RAB40B: variants seen among roughly 807,000 people sequenced by gnomAD.
RAB40B encodes the protein RAB40B, member RAS oncogene family.
Under a neutral mutation model 24.0 loss-of-function variants are expected in RAB40B, and 21 were observed. The observed-to-expected ratio is 0.88, with a 90% CI of 0.62 to 1.26. The LOEUF is 1.26. Ranked by LOEUF, RAB40B falls within the 50% of genes most tolerant of loss-of-function variation. The pLI is 0.00. For synonymous variants in RAB40B, 167 were observed against 169.8 expected (o/e 0.98, Z 0.13); for missense variants, 348 against 390.5 (o/e 0.89, Z 0.92).
Position 82,656,289 on chromosome 17 carries a change from C to T in RAB40B, c.*1574G>A, listed in dbSNP as rs2046085668. On this transcript the variant is annotated 3_prime_UTR_variant, in exon 6 of 6. Coordinates refer to ENST00000571995, the MANE Select transcript of RAB40B (RefSeq NM_006822.3). ...AGAATCTACAGATCATCAGCAGGAA[C>T]TAGGAACATCTGGGTATTTTCTCGC... The T allele has an allele frequency of 6.6e-6, 1 of 152,134 alleles. No homozygotes were observed. Among genetic ancestry groups the T allele is most frequent in the Non-Finnish European group, 1.5e-5 (1 of 68,046 alleles). 9.4% of individuals were successfully genotyped at this position (152,134 alleles called of 1,614,324 possible).
chr17:82,697,996 G>A lies in RAB40B; in HGVS notation c.142+459C>T, dbSNP rs1356699023. ...CGCCTGCTCGCCGCGCTCCGCCCCA[G>A]GAGCCCCGGAGCTCGCGTCCCCTCC... is the stretch of plus-strand genomic sequence containing the variant. On this transcript the variant is annotated intron_variant, in intron 1 of 5. Transcript: ENST00000571995. This position sits in a 1 kb window ranked among gnomAD's most constrained non-coding sequence, Gnocchi z 4.9. 6.6e-6 allele frequency among the ~76,000 whole-genome samples: 1 copy of A among 151,950 alleles called. No homozygotes were observed. Among genetic ancestry groups the A allele is most frequent in the Non-Finnish European group, 1.5e-5 (1 of 67,954 alleles).
At chr17:82,660,474 C>T (rs1038023026) in intron 3 of RAB40B, among the ~76,000 whole-genome samples, 3 of 148,768 alleles carry the variant, frequency 2.0e-5, no homozygotes, top group Non-Finnish European at 4.4e-5. Context: ...AGTGCAAGTA[C>T]CTGCACACGT....
rs1228770563 is a variant in RAB40B at position 82,692,003 on chromosome 17, T to A, written c.142+6452A>T. Among the ~76,000 whole-genome samples, 1 of 151,644 alleles carries A rather than the reference T, an allele frequency of 6.6e-6. No individual in the cohort carries two copies. The highest frequency in any genetic ancestry group is 1.5e-5 in the Non-Finnish European group (1 of 67,918). ...CTTCCCTGGGTAACCAGCAGAGCAG[T>A]GGGGCCCGCACGGTCCGTGGGCTGA... On this transcript the variant is annotated intron_variant, in intron 1 of 5. Transcript: ENST00000571995. This position sits in a 1 kb window ranked among gnomAD's most constrained non-coding sequence, Gnocchi z 4.0.
chr17:82,669,561 A>C (rs1360434438), intron 1 of RAB40B, among the ~76,000 whole-genome samples: 2 of 152,112 alleles, frequency 1.3e-5, no homozygotes, highest in African/African-American at 2.4e-5. Flanking sequence ...GCTGAGGTGG[A>C]AGGATCTCTT....
chr17:82,688,315 C>G (rs1011267040), intron 1 of RAB40B, among the ~76,000 whole-genome samples: 4 of 151,098 alleles, frequency 2.6e-5, no homozygotes, highest in African/African-American at 9.7e-5. Context: ...CTCATGACCA[C>G]TTTTAAAAAT....
At position 82,664,480 on chromosome 17, in the gene RAB40B, C is replaced by T. The variant is rs145596290; in HGVS notation, c.203+16G>A. 627 of 1,611,936 alleles carry T rather than the reference C, an allele frequency of 3.9e-4. 1 individual carries two copies. In the East Asian group the frequency reaches 5.1e-3, roughly 13 times the overall value. ...TCCCTGGGGGTGCGGGACGCTCGCA[C>T]CTCCTCCAGACTCACCAGAGCTGCA... On this transcript the variant is annotated intron_variant, in intron 2 of 5. Coordinates refer to ENST00000571995, the MANE Select transcript of RAB40B (RefSeq NM_006822.3).
At chr17:82,684,325 A>G (rs1337978155) in intron 1 of RAB40B, among the ~76,000 whole-genome samples, 1 of 152,164 alleles carries the variant, frequency 6.6e-6, no homozygotes, top group East Asian at 1.9e-4. Flanking sequence ...AAACACTCAC[A>G]CACTGCTGAC....
Position 82,697,626 on chromosome 17 carries a change from C to T in RAB40B, c.142+829G>A, listed in dbSNP as rs1598323158. ...GGGATGCGCGTGGGTGAAGGCCCCG[C>T]CTGCTCCTCACTCCCAGCCGAGGTG... On this transcript the variant is annotated intron_variant, in intron 1 of 5. Transcript: ENST00000571995. The surrounding 1 kb of genome is among the most constrained non-coding windows in gnomAD (Gnocchi z 4.9). Among the ~76,000 whole-genome samples the T allele has an allele frequency of 6.6e-6, 1 of 152,252 alleles. No individual in the cohort carries two copies.
chr17:82,664,871 G>A, intron 1 of RAB40B: 1 of 268,564 alleles, frequency 3.7e-6, no homozygotes, highest in Non-Finnish European at 7.2e-6. Context: ...TTGCCGCGGG[G>A]CTGTGGCCGC....
At chr17:82,686,802 C>T (rs2046506569) in intron 1 of RAB40B, among the ~76,000 whole-genome samples, 1 of 152,222 alleles carries the variant, frequency 6.6e-6, no homozygotes, top group Non-Finnish European at 1.5e-5. Context: ...ATCCAAAAGC[C>T]ACTTCACTCA....
Position 82,698,477 on chromosome 17 carries a change from C to T in RAB40B, c.120G>A (p.Glu40=). The T allele has an allele frequency of 6.7e-7, 1 of 1,486,312 alleles. No individual in the cohort carries two copies. The allele number at this position is 1,486,312 out of a possible 1,614,324, so 92.1% of individuals were successfully genotyped here. Residue 40 remains glutamate (E), a synonymous_variant, in exon 1 of 6, where the codon GAG becomes GAA. Coordinates refer to ENST00000571995, the MANE Select transcript of RAB40B (RefSeq NM_006822.3). ...CACCCGCCGGGTGGCCGTACGGGGA[C>T]TCGGCCGCGCCATCCTGCAGGCTCG... is the stretch of plus-strand genomic sequence containing the variant. The part of the protein sequence containing the change: ...ILASLQDGAA[E]SPYGHPAGID...
Position 82,670,294 on chromosome 17 carries a change from C to T in RAB40B, c.143-5738G>A, listed in dbSNP as rs138229768. On this transcript the variant is annotated intron_variant, in intron 1 of 5. Coordinates refer to ENST00000571995, the MANE Select transcript of RAB40B (RefSeq NM_006822.3). ...CCGCCCACCGGGTTCAAGCAATTCT[C>T]GTGCCTCAGCGTCCCGTGTAGCTGG... 4.9e-4 allele frequency among the ~76,000 whole-genome samples: 73 copies of T among 149,356 alleles called. 1 individual carries two copies. The East Asian group carries it at 0.013, about 26-fold the overall frequency.
In RAB40B at chr17:82,657,780, A is replaced by C; in HGVS notation, c.*83T>G. On this transcript the variant is annotated 3_prime_UTR_variant, in exon 6 of 6. Coordinates refer to ENST00000571995, the MANE Select transcript of RAB40B (RefSeq NM_006822.3). ...GCAGCATTCGCCGAGAGGAACCGGG[A>C]TCTGAGATGCATCCACCAGCTGCCG... 1.4e-6 allele frequency: 2 copies of C among 1,468,284 alleles called. No individual in the cohort carries two copies. Among genetic ancestry groups the C allele is most frequent in the Non-Finnish European group, 1.9e-6 (2 of 1,048,458 alleles). The allele number at this position is 1,468,284 out of a possible 1,614,324, so 91.0% of individuals were successfully genotyped here.
intron 4 of RAB40B, chr17:82,658,993 G>A (rs879594981): frequency 6.2e-5 from 25 of 405,692 alleles, no homozygotes; most frequent in Non-Finnish European, 1.1e-4. Flanking sequence ...GGCTGGAGCG[G>A]TGCAGCCACA....
chr17:82,678,229 C>T (rs1237202507), intron 1 of RAB40B, among the ~76,000 whole-genome samples: 1 of 152,190 alleles, frequency 6.6e-6, no homozygotes, highest in Non-Finnish European at 1.5e-5. Context: ...AACTAAGAAA[C>T]ATTTTTGACA....
At chr17:82,690,598 C>G (rs2046547269) in intron 1 of RAB40B, among the ~76,000 whole-genome samples, 2 of 143,870 alleles carry the variant, frequency 1.4e-5, no homozygotes, top group African/African-American at 5.2e-5. Flanking sequence ...GCACGTGTGT[C>G]CAGGGGAAGA....
intron 1 of RAB40B, among the ~76,000 whole-genome samples, chr17:82,670,654 C>T (rs1380680755): frequency 6.6e-6 from 1 of 151,652 alleles, no homozygotes; most frequent in Admixed American, 6.6e-5. Context: ...CCTGTCTCAG[C>T]CTCCTGAGTA....
chr17:82,669,754 G>A (rs570414701), intron 1 of RAB40B, among the ~76,000 whole-genome samples: 7 of 152,246 alleles, frequency 4.6e-5, no homozygotes, highest in Non-Finnish European at 8.8e-5. Flanking sequence ...GTGAAATTAC[G>A]CTTTGAGCGA....
In RAB40B at chr17:82,664,519, C is replaced by T; in HGVS notation, c.180G>A (p.Gly60=). ...DYKTTTILLD[G]RRVKLQLWDT... ...ACCAGAGCTGCAGCTTCACCCGCCG[C>T]CCGTCCAGCAGGATGGTGGTCGTCT... The change falls in exon 2 of 6, where the codon GGG becomes GGA. Residue 60 remains glycine, a synonymous_variant. Coordinates refer to ENST00000571995, the MANE Select transcript of RAB40B (RefSeq NM_006822.3). 1 of 1,613,572 alleles carries T rather than the reference C, an allele frequency of 6.2e-7. No individual in the cohort carries two copies. The highest frequency in any genetic ancestry group is 8.5e-7 in the Non-Finnish European group (1 of 1,179,660).
Sources: gnomAD v4.1 joint callset for allele counts (sites outside exome capture counted in the v4.1 genomes callset) on GRCh38, gnomAD v4.1.1 for gene constraint, Gnocchi (gnomAD v3.1) non-coding constraint, MANE v1.5 for transcripts, NCBI Gene and HGNC (gene_info 2026-07-23, HGNC 2026-07-21) for gene names.